Variants in LINGO2 observed in about 807,000 individuals in gnomAD.
LINGO2 encodes leucine-rich repeat and immunoglobulin-like domain-containing nogo receptor-interacting protein 2.
A neutral mutation model predicts 30.6 loss-of-function variants in LINGO2; 14 were observed. The ratio of observed to expected loss-of-function variants is 0.46; its 90% CI spans 0.30 to 0.72. The LOEUF is 0.72. Among genes scored for constraint, LINGO2 ranks in the 30% least tolerant of loss-of-function variants. LINGO2 has a pLI of 0.07. For missense variants in LINGO2, 729 were observed against 751.7 expected (o/e 0.97, Z 0.35); for synonymous variants, 317 against 288.5 (o/e 1.10, Z -1.00).
the LINGO2 span, among the ~76,000 whole-genome samples, chr9:28,925,764 C>G: frequency 6.6e-6 from 1 of 152,158 alleles, no homozygotes; most frequent in Admixed American, 6.5e-5. Flanking sequence ...CAGCTGTTCT[C>G]AAGTCAGCTA....
intron 2 of LINGO2, among the ~76,000 whole-genome samples, chr9:28,387,324 T>C (rs1267485587): frequency 6.6e-6 from 1 of 152,066 alleles, no homozygotes; most frequent in East Asian, 1.9e-4. Context: ...AACGCACCAA[T>C]TGGCGCTCTG....
chr9:27,938,192 C>T, the LINGO2 span: 6 of 152,222 alleles, frequency 3.9e-5, no homozygotes, highest in South Asian at 2.1e-4. Flanking sequence ...GGTGTCGTTA[C>T]GAATTTTGTA....
chr9:28,764,717 G>C, the LINGO2 span, among the ~76,000 whole-genome samples: 416 of 151,972 alleles, frequency 2.7e-3, 1 homozygote, highest in Admixed American at 7.5e-3. Flanking sequence ...AACCATCCCT[G>C]TTTGTGAATG....
At chr9:28,256,758 G>A (rs1822396090) in intron 4 of LINGO2, among the ~76,000 whole-genome samples, 1 of 151,796 alleles carries the variant, frequency 6.6e-6, no homozygotes, top group Non-Finnish European at 1.5e-5. Flanking sequence ...CATTGTTTTA[G>A]GCTAATTAAA....
At chr9:28,596,838 C>G (rs1256826908) in intron 1 of LINGO2, among the ~76,000 whole-genome samples, 2 of 152,116 alleles carry the variant, frequency 1.3e-5, no homozygotes, top group Admixed American at 6.6e-5. Flanking sequence ...AAGTTCTGCT[C>G]TTTTCAGGAC....
At chr9:28,001,999 T>C (rs1208718892) in intron 5 of LINGO2, among the ~76,000 whole-genome samples, 13 of 152,224 alleles carry the variant, frequency 8.5e-5, no homozygotes. Flanking sequence ...ATCAAGTTCA[T>C]AAAAGCTGCC....
chr9:28,774,947 C>A, the LINGO2 span, among the ~76,000 whole-genome samples: 1 of 151,522 alleles, frequency 6.6e-6, no homozygotes, highest in Non-Finnish European at 1.5e-5. Context: ...AAAGACCACA[C>A]AGGAACAAAT....
intron 4 of LINGO2, among the ~76,000 whole-genome samples, chr9:28,022,561 G>A (rs1823183181): frequency 6.6e-6 from 1 of 151,874 alleles, no homozygotes; most frequent in Non-Finnish European, 1.5e-5. Context: ...GAGTTTCACT[G>A]GATATTCTAT....
intron 2 of LINGO2, among the ~76,000 whole-genome samples, chr9:28,375,200 A>G (rs867134082): frequency 2.0e-5 from 3 of 151,916 alleles, no homozygotes; most frequent in African/African-American, 7.3e-5. Context: ...GGGACCGTTC[A>G]ATTATCCATT....
At chr9:28,776,317 C>G in the LINGO2 span, among the ~76,000 whole-genome samples, 1 of 151,994 alleles carries the variant, frequency 6.6e-6, no homozygotes, top group African/African-American at 2.4e-5. Flanking sequence ...AATGTGCTAG[C>G]CCATGAATCA....
Position 28,661,640 on chromosome 9 carries a change from T to A in LINGO2, c.-365+8560A>T, listed in dbSNP as rs117243937. On this transcript the variant is annotated intron_variant, in intron 1 of 5. Coordinates refer to ENST00000379992, the Ensembl canonical transcript of LINGO2. Reference sequence around the variant, plus strand: ...AACATATTGAAACATGAAGTGGCCATGAATATTTCTATTGCATTTAAAATG... The same window carrying A: ...AACATATTGAAACATGAAGTGGCCAAGAATATTTCTATTGCATTTAAAATG... Among the ~76,000 whole-genome samples the A allele has an allele frequency of 8.2e-3, 1,248 of 152,282 alleles. 28 individuals carry two copies. The highest frequency in any genetic ancestry group is 0.035 in the Admixed American group (542 of 15,286).
the LINGO2 span, among the ~76,000 whole-genome samples, chr9:29,194,067 C>T: frequency 6.6e-6 from 1 of 152,196 alleles, no homozygotes; most frequent in Admixed American, 6.5e-5. Flanking sequence ...CTCTTCCCCT[C>T]TCTGAGCTGC....
At chr9:28,477,312 G>A (rs1006853390) in intron 1 of LINGO2, among the ~76,000 whole-genome samples, 10 of 152,042 alleles carry the variant, frequency 6.6e-5, no homozygotes, top group African/African-American at 2.4e-4. Context: ...AACCCTGGAA[G>A]GCAGGTGTTA....
the LINGO2 span, among the ~76,000 whole-genome samples, chr9:28,879,663 C>G: frequency 2.0e-5 from 3 of 151,860 alleles, no homozygotes; most frequent in African/African-American, 7.3e-5. Flanking sequence ...ACCACCCTAA[C>G]CTACACCCCT....
chr9:29,066,793 T>A, the LINGO2 span, among the ~76,000 whole-genome samples: 1 of 151,902 alleles, frequency 6.6e-6, no homozygotes, highest in Admixed American at 6.6e-5. Flanking sequence ...TGTCTTAATA[T>A]GAAATCTTCA....
intron 2 of LINGO2, among the ~76,000 whole-genome samples, chr9:28,376,362 G>T (rs2134602055): frequency 6.6e-6 from 1 of 152,268 alleles, no homozygotes. Context: ...TCTTCTAAGA[G>T]GTTTCCTAAA....
chr9:28,058,353 A>G (rs1411087106), intron 4 of LINGO2, among the ~76,000 whole-genome samples: 1 of 152,172 alleles, frequency 6.6e-6, no homozygotes, highest in African/African-American at 2.4e-5. Context: ...GATATACAAC[A>G]TGCTCATTGT....
At chr9:29,204,294 A>G in the LINGO2 span, among the ~76,000 whole-genome samples, 2 of 152,344 alleles carry the variant, frequency 1.3e-5, no homozygotes, top group East Asian at 1.9e-4. Context: ...AAATCTTTCT[A>G]TCTTTCAAAC....
intron 2 of LINGO2, among the ~76,000 whole-genome samples, chr9:28,402,721 A>G (rs1822322432): frequency 6.6e-6 from 1 of 152,032 alleles, no homozygotes; most frequent in Non-Finnish European, 1.5e-5. Flanking sequence ...ATCTGACATG[A>G]CATGCACACA....
Sources: allele counts gnomAD v4.1 joint callset (sites outside exome capture counted in the v4.1 genomes callset), GRCh38; gene constraint gnomAD v4.1.1; transcripts MANE v1.5; gene names NCBI Gene and HGNC (gene_info 2026-07-23, HGNC 2026-07-21).